The following RAD51B variants were observed in gnomAD, a reference collection of about 807,000 sequenced individuals.
The protein encoded by RAD51B is DNA repair protein RAD51 homolog 2.
RAD51B carries 38 observed loss-of-function variants against 42.2 expected under a neutral mutation model. The ratio of observed to expected loss-of-function variants is 0.90; its 90% confidence interval spans 0.70 to 1.18. The LOEUF (loss-of-function observed/expected upper bound fraction) is 1.18, where lower values mean the gene tolerates loss of function less well. Ranked by LOEUF, RAD51B falls within the 50% of genes most tolerant of loss-of-function variation. The pLI is 0.00. For missense variants in RAD51B, 373 were observed against 400.7 expected (o/e 0.93, Z 0.59); for synonymous variants, 154 against 145.2 (o/e 1.06, Z -0.43).
At chr14:68,438,830 C>T (rs2085209869) in intron 9 of RAD51B, among the ~76,000 whole-genome samples, 1 of 152,176 alleles carries the variant, frequency 6.6e-6, no homozygotes. Context: ...GCTATGTCTC[C>T]CTCTCCACTG....
intron 1 of RAD51B, among the ~76,000 whole-genome samples, chr14:67,821,125 TG>T (rs1464768998): frequency 6.6e-6 from 1 of 152,234 alleles, no homozygotes; most frequent in Non-Finnish European, 1.5e-5. Flanking sequence ...CAGGCGAATT[TG>T]GGGCTTCTTC....
intron 10 of RAD51B, among the ~76,000 whole-genome samples, chr14:68,502,805 C>T (rs1594919805): frequency 6.6e-6 from 1 of 152,174 alleles, no homozygotes; most frequent in Non-Finnish European, 1.5e-5. Context: ...CCCTGGGAAC[C>T]TGGGAGACAA....
intron 8 of RAD51B, among the ~76,000 whole-genome samples, chr14:68,300,298 C>G (rs552371879): frequency 6.6e-6 from 1 of 152,176 alleles, no homozygotes; most frequent in Admixed American, 6.5e-5. Context: ...CTTGGCCTCC[C>G]AGGCTCCAGT....
chr14:68,403,211 A>G (rs1419909497), intron 8 of RAD51B, among the ~76,000 whole-genome samples: 4 of 152,178 alleles, frequency 2.6e-5, no homozygotes, highest in African/African-American at 4.8e-5. Context: ...TTTCATCTGC[A>G]GGGACTGGAG....
chr14:68,132,307 C>G (rs763798250), intron 7 of RAD51B, among the ~76,000 whole-genome samples: 11 of 152,036 alleles, frequency 7.2e-5, no homozygotes, highest in Non-Finnish European at 1.3e-4. Flanking sequence ...ATATGCTGTA[C>G]AGACAAAAAG....
At chr14:67,913,016 G>C (rs553463788) in intron 7 of RAD51B, among the ~76,000 whole-genome samples, 1 of 152,156 alleles carries the variant, frequency 6.6e-6, no homozygotes, top group South Asian at 2.1e-4. Context: ...ACTTCTCTAG[G>C]TTTTTAAGCT....
intron 7 of RAD51B, among the ~76,000 whole-genome samples, chr14:68,145,361 C>T (rs1434361376): frequency 1.3e-5 from 2 of 152,196 alleles, no homozygotes; most frequent in East Asian, 1.9e-4. Context: ...CTTGTTCTGC[C>T]ACCTACGGGC....
chr14:68,396,732 A>G (rs117742459), intron 8 of RAD51B, among the ~76,000 whole-genome samples: 3,416 of 152,332 alleles, frequency 0.022, 54 homozygotes, highest in South Asian at 0.045. Flanking sequence ...ACATTATTAA[A>G]ATATGCTTTT....
chr14:68,339,142 TG>T, intron 8 of RAD51B: 1 of 713,772 alleles, frequency 1.4e-6, no homozygotes, highest in Non-Finnish European at 2.5e-6. Flanking sequence ...GGTCTCTTAG[TG>T]GGGATGTCCC....
intron 9 of RAD51B, among the ~76,000 whole-genome samples, chr14:68,454,518 A>C (rs539846384): frequency 1.3e-5 from 2 of 152,296 alleles, no homozygotes; most frequent in African/African-American, 4.8e-5. Context: ...TGCTACAGTA[A>C]CCTTGCACAC....
chr14:68,390,891 A>G (rs1412907024), intron 8 of RAD51B, among the ~76,000 whole-genome samples: 3 of 152,184 alleles, frequency 2.0e-5, no homozygotes, highest in African/African-American at 7.2e-5. Context: ...ACCTCATTAC[A>G]CTAATGCAGT....
intron 7 of RAD51B, among the ~76,000 whole-genome samples, chr14:68,086,533 C>T (rs528978320): frequency 7.9e-5 from 12 of 152,156 alleles, no homozygotes; most frequent in Non-Finnish European, 1.8e-4. Context: ...ACGCGCTCCC[C>T]TTCCCATCAC....
chr14:68,494,384 T>C (rs1477425059), intron 10 of RAD51B, among the ~76,000 whole-genome samples: 2 of 152,048 alleles, frequency 1.3e-5, no homozygotes, highest in Non-Finnish European at 2.9e-5. Context: ...CTGGAGGACA[T>C]TTGTACTTGC....
At chr14:68,285,190 A>G (rs1399435291) in intron 7 of RAD51B, among the ~76,000 whole-genome samples, 1 of 152,188 alleles carries the variant, frequency 6.6e-6, no homozygotes, top group Admixed American at 6.5e-5. Context: ...CTCACAGGAA[A>G]GTTCCGGTCT....
At chr14:68,274,869 G>A (rs1297826967) in intron 7 of RAD51B, among the ~76,000 whole-genome samples, 1 of 152,138 alleles carries the variant, frequency 6.6e-6, no homozygotes, top group Non-Finnish European at 1.5e-5. Context: ...GATTAGATTA[G>A]GGTTTAGAGG....
chr14:68,622,380 C>G (rs1264544777), intron 10 of RAD51B, among the ~76,000 whole-genome samples: 1 of 152,168 alleles, frequency 6.6e-6, no homozygotes, highest in Non-Finnish European at 1.5e-5. Context: ...GGCATGGTCT[C>G]TCTCCTCCTG....
At chr14:67,907,513 T>C (rs1566952252) in intron 7 of RAD51B, among the ~76,000 whole-genome samples, 1 of 152,170 alleles carries the variant, frequency 6.6e-6, no homozygotes, top group Non-Finnish European at 1.5e-5. Context: ...ACTCAAAGAC[T>C]GAGGCTGGAG....
At chr14:68,159,529 A>G (rs1216250679) in intron 7 of RAD51B, among the ~76,000 whole-genome samples, 1 of 151,990 alleles carries the variant, frequency 6.6e-6, no homozygotes, top group East Asian at 1.9e-4. Context: ...CTGAGGCAGA[A>G]GAATCACTTG....
rs573425799 is a variant in RAD51B at position 68,499,168 on chromosome 14, G to A, written c.1036+30918G>A. On this transcript the variant is annotated intron_variant, in intron 10 of 10. Transcript: ENST00000487270. Reference sequence around the variant, plus strand: ...TCATCACATGTGAGTTTTTGCACTCGTAAGCCTAAGGGGCACAATGGGTTT... The same window carrying A: ...TCATCACATGTGAGTTTTTGCACTCATAAGCCTAAGGGGCACAATGGGTTT... Among the ~76,000 whole-genome samples the A allele has an allele frequency of 5.0e-4, 76 of 152,302 alleles. No homozygotes were observed. In the South Asian group the frequency reaches 6.4e-3, roughly 13 times the overall value.
Sources: allele counts gnomAD v4.1 joint callset (sites outside exome capture counted in the v4.1 genomes callset), GRCh38; gene constraint gnomAD v4.1.1; transcripts MANE v1.5; gene names NCBI Gene and HGNC (gene_info 2026-07-23, HGNC 2026-07-21).